The following CNTNAP2 variants were observed in gnomAD, a reference collection of about 807,000 sequenced individuals.
CNTNAP2 encodes the protein contactin-associated protein-like 2.
In CNTNAP2, 98 loss-of-function variants were observed where a neutral mutation model predicts 155.2. That is an observed-to-expected ratio of 0.63 (90% CI 0.54 to 0.75). The LOEUF (loss-of-function observed/expected upper bound fraction) is 0.75, where lower values mean the gene tolerates loss of function less well. Among genes scored for constraint, CNTNAP2 ranks in the 30% least tolerant of loss-of-function variants. The probability of loss-of-function intolerance (pLI) is 0.00; values close to 1 mark genes in which losing one functional copy is unlikely to be tolerated. For synonymous variants in CNTNAP2, 651 were observed against 631.2 expected, an observed-to-expected ratio of 1.03 and a Z score of -0.47; for missense variants, 1,727 against 1,688.1, an observed-to-expected ratio of 1.02 and a Z score of -0.40.
chr7:146,636,109 A>G (rs1799593405), intron 1 of CNTNAP2, among the ~76,000 whole-genome samples: 1 of 151,686 alleles, frequency 6.6e-6, no homozygotes, highest in Admixed American at 6.6e-5. Flanking sequence ...AGCTACAGAG[A>G]CGGAAAACAG....
At chr7:147,299,814 G>T (rs540463547) in intron 8 of CNTNAP2, among the ~76,000 whole-genome samples, 1 of 152,224 alleles carries the variant, frequency 6.6e-6, no homozygotes, top group South Asian at 2.1e-4. Context: ...GGATGCAGTG[G>T]CTCACGCCTG....
chr7:147,665,773 C>T (rs1023593516), intron 13 of CNTNAP2, among the ~76,000 whole-genome samples: 3 of 152,090 alleles, frequency 2.0e-5, no homozygotes, highest in African/African-American at 7.3e-5. Flanking sequence ...CCTCCAGCTC[C>T]ATTCATGTTC....
Position 148,301,306 on chromosome 7 carries a change from A to AAAAAAAATATAT in CNTNAP2, c.3475+34181_3475+34182insAAAAAATATATA. 3.0e-3 allele frequency among the ~76,000 whole-genome samples: 313 copies of AAAAAAAATATAT among 103,820 alleles called. 2 individuals carry two copies. The highest frequency in any genetic ancestry group is 0.01 in the African/African-American group (274 of 26,542). The allele number at this position is 103,820 out of a possible 152,430, so 68.1% of individuals were successfully genotyped here. On this transcript the variant is annotated intron_variant, in intron 21 of 23. Coordinates refer to ENST00000361727, the MANE Select transcript of CNTNAP2 (RefSeq NM_014141.6). ...GAGACTCCGTCTAAAAAAAAAAAAA[A>AAAAAAAATATAT]ATATATATATATATATAGGTTAAAA...
At chr7:147,172,437 G>T (rs1802248399) in intron 8 of CNTNAP2, among the ~76,000 whole-genome samples, 1 of 151,990 alleles carries the variant, frequency 6.6e-6, no homozygotes, top group Admixed American at 6.6e-5. Flanking sequence ...TAATATTATT[G>T]ATTCTAAAAC....
intron 1 of CNTNAP2, among the ~76,000 whole-genome samples, chr7:146,258,936 A>G (rs1799879771): frequency 1.3e-5 from 2 of 152,180 alleles, no homozygotes; most frequent in Non-Finnish European, 2.9e-5. Flanking sequence ...TCCCTACCCA[A>G]GTCTCATGTC....
At chr7:147,216,505 T>G (rs1014453379) in intron 8 of CNTNAP2, among the ~76,000 whole-genome samples, 1 of 152,098 alleles carries the variant, frequency 6.6e-6, no homozygotes, top group African/African-American at 2.4e-5. Flanking sequence ...AGACTCTCTG[T>G]TATGTTCCAT....
chr7:146,876,104 G>T (rs1024546934), intron 3 of CNTNAP2, among the ~76,000 whole-genome samples: 2 of 151,884 alleles, frequency 1.3e-5, no homozygotes, highest in Non-Finnish European at 1.5e-5. Context: ...GATTGTTTTG[G>T]TTTTTTGCTT....
At chr7:146,184,823 G>T (rs533955579) in intron 1 of CNTNAP2, among the ~76,000 whole-genome samples, 89 of 152,254 alleles carry the variant, frequency 5.8e-4, no homozygotes, top group African/African-American at 2.0e-3. Context: ...GAGCATTTAT[G>T]TAAATACTCC....
intron 13 of CNTNAP2, among the ~76,000 whole-genome samples, chr7:147,705,101 A>T (rs1299476228): frequency 6.6e-6 from 1 of 151,494 alleles, no homozygotes; most frequent in African/African-American, 2.4e-5. Flanking sequence ...CCTTCTATTA[A>T]TTGGGGCTTT....
chr7:148,072,667 A>C (rs558528078), intron 15 of CNTNAP2, among the ~76,000 whole-genome samples: 1 of 152,300 alleles, frequency 6.6e-6, no homozygotes, highest in South Asian at 2.1e-4. Flanking sequence ...GACCCTCAGC[A>C]CTAGTAATAC....
chr7:148,268,760 A>G (rs1796721726), intron 21 of CNTNAP2, among the ~76,000 whole-genome samples: 1 of 152,074 alleles, frequency 6.6e-6, no homozygotes, highest in Admixed American at 6.6e-5. Context: ...CTTCGTCACA[A>G]TTGTATGAGG....
At chr7:147,277,416 A>C (rs1243085398) in intron 8 of CNTNAP2, among the ~76,000 whole-genome samples, 1 of 151,996 alleles carries the variant, frequency 6.6e-6, no homozygotes, top group Non-Finnish European at 1.5e-5. Context: ...TAGCATTACA[A>C]AGCTAAAGAC....
chr7:147,419,242 T>C lies in CNTNAP2; in HGVS notation c.1670+23462T>C, dbSNP rs140818466. 5.1e-3 allele frequency among the ~76,000 whole-genome samples: 780 copies of C among 152,260 alleles called. 4 individuals carry two copies. The highest frequency in any genetic ancestry group is 0.018 in the African/African-American group (739 of 41,562). On this transcript the variant is annotated intron_variant, in intron 10 of 23. Coordinates refer to ENST00000361727, the MANE Select transcript of CNTNAP2 (RefSeq NM_014141.6). The stretch of plus-strand genomic sequence containing the variant: ...TCTCTCTATGCCCTGCCTGCCCTGC[T>C]GTCTTCCAGCCTGCAGGCAAGTTCC...
At chr7:146,839,688 A>G (rs1803681302) in intron 2 of CNTNAP2, 23 bp from the exon 3 acceptor site, 1 of 1,613,512 alleles carries the variant, frequency 6.2e-7, no homozygotes, top group African/African-American at 1.3e-5. Flanking sequence ...TCATTTTCCC[A>G]TCTTACCTCT....
At chr7:148,170,983 C>T (rs1247199497) in intron 17 of CNTNAP2, among the ~76,000 whole-genome samples, 1 of 152,030 alleles carries the variant, frequency 6.6e-6, no homozygotes, top group Non-Finnish European at 1.5e-5. Flanking sequence ...AAGTTCTTCT[C>T]GGTATTAAGT....
At chr7:147,737,220 T>G (rs900693163) in intron 13 of CNTNAP2, among the ~76,000 whole-genome samples, 5 of 152,174 alleles carry the variant, frequency 3.3e-5, no homozygotes, top group Non-Finnish European at 7.3e-5. Context: ...GTCCTTTCTG[T>G]TTATTAGATT....
At chr7:147,531,355 C>T (rs1420135208) in intron 11 of CNTNAP2, among the ~76,000 whole-genome samples, 1 of 152,224 alleles carries the variant, frequency 6.6e-6, no homozygotes, top group African/African-American at 2.4e-5. Flanking sequence ...TCCATGAGGG[C>T]CCCATCCCTG....
intron 8 of CNTNAP2, among the ~76,000 whole-genome samples, chr7:147,273,039 A>G (rs982863696): frequency 3.9e-5 from 6 of 151,914 alleles, no homozygotes; most frequent in African/African-American, 1.5e-4. Context: ...ACTGTGGTTT[A>G]TTTTAGACTA....
Position 147,176,613 on chromosome 7 carries a change from T to A in CNTNAP2, c.1348+44104T>A, listed in dbSNP as rs554149949. Among the ~76,000 whole-genome samples the A allele has an allele frequency of 3.5e-5, 5 of 144,264 alleles. No homozygotes were observed. The Admixed American group carries it at 3.6e-4, about 10-fold the overall frequency. 94.6% of individuals were successfully genotyped at this position (144,264 alleles called of 152,430 possible). On this transcript the variant is annotated intron_variant, in intron 8 of 23. Coordinates refer to ENST00000361727, the MANE Select transcript of CNTNAP2 (RefSeq NM_014141.6). ...TTATATCTTATATACATATGTATAA[T>A]ATACTTACATACACACGTATAATAT...
Sources: allele counts gnomAD v4.1 joint callset (sites outside exome capture counted in the v4.1 genomes callset), GRCh38; gene constraint gnomAD v4.1.1; transcripts MANE v1.5; gene names NCBI Gene and HGNC (gene_info 2026-07-23, HGNC 2026-07-21).